DMD: variants seen among roughly 807,000 people sequenced by gnomAD.
The protein encoded by DMD is mutant dystrophin.
DMD carries 63 observed loss-of-function variants against 330.1 expected under a neutral mutation model. The observed-to-expected ratio is 0.19, with a 90% CI of 0.16 to 0.24. The LOEUF is 0.24. DMD is among the 10% of genes least tolerant of loss of function. DMD has a pLI of 1.00. For missense variants in DMD, 3,344 were observed against 2,684.1 expected, an observed-to-expected ratio of 1.25 and a Z score of -5.43; for synonymous variants, 1,223 against 959.8, an observed-to-expected ratio of 1.27 and a Z score of -5.07.
chrX:32,869,572 C>T (rs1359614677), intron 2 of DMD, among the ~76,000 whole-genome samples: 4 of 84,122 alleles, frequency 4.8e-5, no homozygotes. Context: ...CCCAAGGGAG[C>T]TGAAAAAACA....
chrX:32,600,967 A>AC (rs2056141445), intron 12 of DMD, among the ~76,000 whole-genome samples: 1 of 107,494 alleles, frequency 9.3e-6, no homozygotes, highest in South Asian at 4.0e-4. Flanking sequence ...ACAGGAATTG[A>AC]CTTTTTTTCA....
intron 44 of DMD, among the ~76,000 whole-genome samples, chrX:32,100,333 G>C (rs955824353): frequency 1.9e-5 from 2 of 105,569 alleles, no homozygotes; most frequent in African/African-American, 6.9e-5. Context: ...CACATAAGTA[G>C]ATGAAAAAAA....
intron 21 of DMD, among the ~76,000 whole-genome samples, chrX:32,478,439 C>G (rs1447099509): frequency 9.0e-6 from 1 of 111,550 alleles, no homozygotes; most frequent in Non-Finnish European, 1.9e-5. Context: ...TATTAAATAA[C>G]ATAGACCATG....
intron 17 of DMD, among the ~76,000 whole-genome samples, chrX:32,536,190 A>ACGG (rs2047943457): frequency 9.9e-6 from 1 of 101,026 alleles, no homozygotes; most frequent in South Asian, 4.8e-4. Flanking sequence ...GCTTGAACCC[A>ACGG]CGGGGCAGAG....
intron 55 of DMD, among the ~76,000 whole-genome samples, chrX:31,589,264 C>A (rs1378738281): frequency 9.0e-6 from 1 of 111,089 alleles, no homozygotes; most frequent in African/African-American, 3.3e-5. Flanking sequence ...TTTCCTTCCC[C>A]CTACCTGACC....
At chrX:31,716,088 T>A (rs1463414948) in intron 52 of DMD, among the ~76,000 whole-genome samples, 2 of 112,380 alleles carry the variant, frequency 1.8e-5, no homozygotes, top group Non-Finnish European at 3.8e-5. Flanking sequence ...ATATACTACA[T>A]GGAGAATGTC....
chrX:31,195,205 T>TA lies in DMD; in HGVS notation c.9807+8755dup, dbSNP rs201403021. The stretch of plus-strand genomic sequence containing the variant: ...AGGACTCTGAATCACCCATTAAAGA[T>TA]AAAATCAGCCCAAACAATAACACAT... On this transcript the variant is annotated intron_variant, in intron 67 of 78. Coordinates refer to ENST00000357033, the MANE Select transcript of DMD (RefSeq NM_004006.3). Among the ~76,000 whole-genome samples the TA allele has an allele frequency of 7.1e-4, 79 of 111,798 alleles. 1 individual carries two copies. In the East Asian group the frequency reaches 0.016, roughly 23 times the overall value.
intron 48 of DMD, among the ~76,000 whole-genome samples, chrX:31,846,995 A>G (rs1189326997): frequency 8.9e-6 from 1 of 112,054 alleles, no homozygotes; most frequent in African/African-American, 3.2e-5. Flanking sequence ...TGCTTGCTAC[A>G]TGATGGACTG....
At chrX:32,678,499 CGTGT>C (rs760244852) in intron 9 of DMD, among the ~76,000 whole-genome samples, 11 of 106,072 alleles carry the variant, frequency 1.0e-4, no homozygotes, top group Admixed American at 2.0e-4. Context: ...TTTGCGTGTC[CGTGT>C]GTGTGTGTGT....
At chrX:32,035,081 T>C (rs1240746876) in intron 44 of DMD, among the ~76,000 whole-genome samples, 1 of 111,834 alleles carries the variant, frequency 8.9e-6, no homozygotes, top group Non-Finnish European at 1.9e-5. Context: ...TCCATGTTCA[T>C]ATCCATAGTC....
At chrX:31,700,299 TG>T (rs1207463714) in intron 52 of DMD, among the ~76,000 whole-genome samples, 4 of 111,894 alleles carry the variant, frequency 3.6e-5, no homozygotes, top group African/African-American at 6.5e-5. Flanking sequence ...CTGTGGGATA[TG>T]GAAGTTTAAA....
intron 12 of DMD, among the ~76,000 whole-genome samples, chrX:32,604,364 A>C (rs2056495681): frequency 9.0e-6 from 1 of 110,706 alleles, no homozygotes; most frequent in Admixed American, 9.6e-5. Context: ...CCCAAGATAA[A>C]GACCCTCAAC....
intron 55 of DMD, among the ~76,000 whole-genome samples, chrX:31,544,308 G>C (rs753084137): frequency 9.9e-6 from 1 of 100,709 alleles, no homozygotes; most frequent in African/African-American, 3.8e-5. Context: ...TGGGTTACAG[G>C]GTGAGACTCC....
Position 32,056,216 on chromosome X carries a change from A to G in DMD, c.6439-87702T>C, listed in dbSNP as rs749999607. Among the ~76,000 whole-genome samples the G allele has an allele frequency of 3.3e-3, 364 of 110,157 alleles. 2 individuals are homozygous for G. The highest frequency in any genetic ancestry group is 5.3e-3 in the Non-Finnish European group (277 of 52,483). The stretch of plus-strand genomic sequence containing the variant: ...CATGTCCTTGCCATTTTCTTCCTCA[A>G]AGACTTAGAAAAAGAAGGACAAACT... On this transcript the variant is annotated intron_variant, in intron 44 of 78. Transcript: ENST00000357033.
At chrX:32,642,624 T>A (rs1404224705) in intron 11 of DMD, among the ~76,000 whole-genome samples, 1 of 112,182 alleles carries the variant, frequency 8.9e-6, no homozygotes, top group Non-Finnish European at 1.9e-5. Context: ...GATAAAAGAC[T>A]TTTTTTATGT....
chrX:31,299,926 A>G (rs1279433724), intron 62 of DMD, among the ~76,000 whole-genome samples: 1 of 111,926 alleles, frequency 8.9e-6, no homozygotes, highest in Non-Finnish European at 1.9e-5. Flanking sequence ...ACACAAGGAA[A>G]CAGAGAACAT....
At chrX:32,490,221 C>A (rs1035237595) in intron 20 of DMD, among the ~76,000 whole-genome samples, 16 of 111,746 alleles carry the variant, frequency 1.4e-4, no homozygotes, top group African/African-American at 5.2e-4. Flanking sequence ...TAAATGTAAT[C>A]ATCTCGATCT....
chrX:31,785,625 G>A (rs913723955), intron 50 of DMD, among the ~76,000 whole-genome samples: 6 of 109,026 alleles, frequency 5.5e-5, no homozygotes, highest in Non-Finnish European at 9.5e-5. Flanking sequence ...CCCCCAACTG[G>A]TGTGTGATGT....
chrX:31,276,622 T>C (rs1014525889), intron 62 of DMD, among the ~76,000 whole-genome samples: 5 of 112,020 alleles, frequency 4.5e-5, no homozygotes, highest in Non-Finnish European at 9.4e-5. Context: ...TGCATACATA[T>C]ATTCATCAAA....
Sources: gnomAD v4.1 joint callset for allele counts (sites outside exome capture counted in the v4.1 genomes callset) on GRCh38, gnomAD v4.1.1 for gene constraint, MANE v1.5 for transcripts, NCBI Gene and HGNC (gene_info 2026-07-23, HGNC 2026-07-21) for gene names.